SPINT3: variants seen among roughly 807,000 people sequenced by gnomAD.
SPINT3 encodes serine peptidase inhibitor, Kunitz type 3, also known as kunitz-type protease inhibitor 3.
Under a neutral mutation model 3.3 loss-of-function variants are expected in SPINT3, and 4 were observed. The observed-to-expected ratio is 1.22, with a 90% CI of 0.60 to 2.79. The LOEUF is 2.79. SPINT3 is among the 30% of genes most tolerant of loss of function. SPINT3 has a pLI of 0.01. For missense variants in SPINT3, 97 were observed against 104.3 expected, an observed-to-expected ratio of 0.93 and a Z score of 0.31; for synonymous variants, 30 against 38.6, an observed-to-expected ratio of 0.78 and a Z score of 0.83.
chr20:45,514,097 T>C (rs546056208), intron 1 of SPINT3, among the ~76,000 whole-genome samples: 1 of 152,262 alleles, frequency 6.6e-6, no homozygotes, highest in East Asian at 1.9e-4. Flanking sequence ...TGGAGGGGCA[T>C]GTTCTTAAGA....
chr20:45,514,967 C>T lies in SPINT3; in HGVS notation c.76+566G>A, dbSNP rs116321982. Among the ~76,000 whole-genome samples, 1,063 of 152,274 alleles carry T rather than the reference C, an allele frequency of 7.0e-3. 13 individuals carry two copies. The highest frequency in any genetic ancestry group is 0.025 in the African/African-American group (1,033 of 41,556). On this transcript the variant is annotated intron_variant, in intron 1 of 1. Transcript: ENST00000217428. ...GGCATCCTACTGGCTGCTTAAAAAT[C>T]TTGGAAACTGCTGCCTACCATCCCC...
chr20:45,514,704 C>A (rs1978825427), intron 1 of SPINT3, among the ~76,000 whole-genome samples: 1 of 152,156 alleles, frequency 6.6e-6, no homozygotes, highest in Admixed American at 6.5e-5. Context: ...TGCTGTCAGA[C>A]TAGGGGACAA....
chr20:45,514,355 G>A (rs1005505683), intron 1 of SPINT3, among the ~76,000 whole-genome samples: 4 of 152,204 alleles, frequency 2.6e-5, no homozygotes, highest in African/African-American at 2.4e-5. Flanking sequence ...AAGTTATACT[G>A]AGAGCTTGAC....
chr20:45,513,445 C>A (rs1306094322), intron 1 of SPINT3, among the ~76,000 whole-genome samples: 1 of 152,202 alleles, frequency 6.6e-6, no homozygotes, highest in African/African-American at 2.4e-5. Context: ...GTAATATCCA[C>A]ATTTTTGGTT....
In SPINT3 at chr20:45,512,781, G is replaced by A. The variant is rs1232479273; in HGVS notation, c.140C>T (p.Thr47Ile). The A allele has an allele frequency of 1.3e-6, 2 of 1,551,690 alleles. No individual in the cohort carries two copies. ...GTTGAAAAACCATCGCGTCATGTAG[G>A]TTTGACAAGGGCCCTTTTCCATAGG... ...AFPMEKGPCQ[T>I]YMTRWFFNFE... The change falls in exon 2 of 2, where the codon ACC becomes ATC. Residue 47 changes from threonine (T) to isoleucine (I), a missense_variant. Coordinates refer to ENST00000217428, the MANE Select transcript of SPINT3 (RefSeq NM_006652.2).
intron 1 of SPINT3, among the ~76,000 whole-genome samples, chr20:45,514,847 A>G (rs749145632): frequency 6.6e-6 from 1 of 152,264 alleles, no homozygotes; most frequent in Non-Finnish European, 1.5e-5. Context: ...GTTCACTGGC[A>G]CATTGACAGT....
In SPINT3 at chr20:45,512,551, A is replaced by T; in HGVS notation, c.*100T>A. The T allele has an allele frequency of 8.9e-7, 1 of 1,128,714 alleles. No individual in the cohort carries two copies. The highest frequency in any genetic ancestry group is 1.2e-6 in the Non-Finnish European group (1 of 816,744). 69.9% of individuals were successfully genotyped at this position (1,128,714 alleles called of 1,614,324 possible). A position where few individuals can be genotyped will look rare whatever the true frequency, so the allele number is the denominator to read the frequency against. On this transcript the variant is annotated 3_prime_UTR_variant, in exon 2 of 2. Coordinates refer to ENST00000217428, the MANE Select transcript of SPINT3 (RefSeq NM_006652.2). ...GAATAAATGTGGGGGTAGAGGAATGAACCTCTTGTTCACACACACACACAC... is the reference window on the plus strand; with the variant it reads ...GAATAAATGTGGGGGTAGAGGAATGTACCTCTTGTTCACACACACACACAC...
At chr20:45,515,313 C>G (rs960398040) in intron 1 of SPINT3, among the ~76,000 whole-genome samples, 1 of 152,182 alleles carries the variant, frequency 6.6e-6, no homozygotes, top group Non-Finnish European at 1.5e-5. Flanking sequence ...TTCACAAAGG[C>G]AGGGTCTCAG....
chr20:45,514,357 G>C (rs550074108), intron 1 of SPINT3, among the ~76,000 whole-genome samples: 9 of 152,328 alleles, frequency 5.9e-5, no homozygotes, highest in Non-Finnish European at 1.0e-4. Flanking sequence ...GTTATACTGA[G>C]AGCTTGACAT....
chr20:45,512,655 G>A lies in SPINT3; in HGVS notation c.266C>T (p.Thr89Ile). 6.4e-7 allele frequency: 1 copy of A among 1,551,546 alleles called. No homozygotes were observed. Among genetic ancestry groups the A allele is most frequent in the East Asian group, 2.4e-5 (1 of 40,920 alleles). ...GGCTGTGTTCTTGTTAGAAAATCAG[G>A]TGAACTTGCAGAATTTCTCACATTT... ...KEKCEKFCKF[T>I] is the part of the protein sequence containing the mutation. Residue 89 changes from threonine to isoleucine, a missense_variant, in exon 2 of 2, where the codon ACC (threonine) becomes ATC (isoleucine). Physicochemically the swap from Thr to Ile is moderately conservative, Grantham distance 89 (BLOSUM62 -1). Transcript: ENST00000217428.
In SPINT3 at chr20:45,512,712, C is replaced by T. The variant is rs532406898; in HGVS notation, c.209G>A (p.Gly70Glu). 11 of 1,551,646 alleles carry T rather than the reference C, an allele frequency of 7.1e-6. No individual in the cohort carries two copies. The African/African-American group carries it at 1.1e-4, about 15-fold the overall frequency. Residue 70 changes from glycine (G) to glutamate (E), a missense_variant, in exon 2 of 2, where the codon GGA becomes GAA. Transcript: ENST00000217428. ...CCTCAAAAAGTTGTTGCTGTTGCCT[C>T]CGCAGCCTCCGTAAGCAAATAACTC... Reference protein sequence around the residue: ...ECELFAYGGCGGNSNNFLRKE... With the variant: ...ECELFAYGGCEGNSNNFLRKE...
In SPINT3 at chr20:45,512,501, A is replaced by C; in HGVS notation, c.*150T>G. On this transcript the variant is annotated 3_prime_UTR_variant, in exon 2 of 2. Transcript: ENST00000217428. ...TATAGAATTTCAGGCACAGAGATGAAGCACTTGTAGGAGCACATCAGGGAG... is the reference window on the plus strand; with the variant it reads ...TATAGAATTTCAGGCACAGAGATGACGCACTTGTAGGAGCACATCAGGGAG... 1 of 715,886 alleles carries C rather than the reference A, an allele frequency of 1.4e-6. No homozygotes were observed. Among genetic ancestry groups the C allele is most frequent in the Non-Finnish European group, 2.3e-6 (1 of 443,082 alleles). 44.3% of individuals were successfully genotyped at this position (715,886 alleles called of 1,614,324 possible). A position where few individuals can be genotyped will look rare whatever the true frequency, so the allele number is the denominator to read the frequency against.
At chr20:45,514,913 T>G (rs1432709874) in intron 1 of SPINT3, among the ~76,000 whole-genome samples, 1 of 152,224 alleles carries the variant, frequency 6.6e-6, no homozygotes, top group Non-Finnish European at 1.5e-5. Flanking sequence ...CTTACCCTTT[T>G]GTGTATTCTA....
Position 45,515,618 on chromosome 20 carries a change from C to T in SPINT3, c.-10G>A, listed in dbSNP as rs1978853131. On this transcript the variant is annotated 5_prime_UTR_variant, in exon 1 of 2. Transcript: ENST00000217428. ...AGGCCTGAAGCTGCATGGTGCCACTCAGCCAGTGGCTCAGCCTGGGGTTGC... is the reference window on the plus strand; with the variant it reads ...AGGCCTGAAGCTGCATGGTGCCACTTAGCCAGTGGCTCAGCCTGGGGTTGC... 6.4e-7 allele frequency: 1 copy of T among 1,550,916 alleles called. No individual in the cohort carries two copies. The highest frequency in any genetic ancestry group is 1.4e-5 in the African/African-American group (1 of 73,154).
chr20:45,515,433 T>C, intron 1 of SPINT3, 100 bp downstream of exon 1: 1 of 984,538 alleles, frequency 1.0e-6, no homozygotes, highest in East Asian at 2.6e-5. Flanking sequence ...TCCGGTAAGG[T>C]AAGAAATGGG....
intron 1 of SPINT3, among the ~76,000 whole-genome samples, chr20:45,513,867 T>G (rs1201876546): frequency 6.6e-6 from 1 of 152,238 alleles, no homozygotes; most frequent in Admixed American, 6.5e-5. Flanking sequence ...AAACCCAGCA[T>G]GGTTCGACTG....
At position 45,512,575 on chromosome 20, in the gene SPINT3, A is replaced by T. The variant is rs1568979723; in HGVS notation, c.*76T>A. The T allele has an allele frequency of 7.4e-7, 1 of 1,355,794 alleles. No homozygotes were observed. Among genetic ancestry groups the T allele is most frequent in the Non-Finnish European group, 1.0e-6 (1 of 986,404 alleles). The allele number at this position is 1,355,794 out of a possible 1,614,324, so 84.0% of individuals were successfully genotyped here. ...GAACCTCTTGTTCACACACACACAC[A>T]CACACACACGCAAATGCCTTCTATG... is the stretch of plus-strand genomic sequence containing the variant. On this transcript the variant is annotated 3_prime_UTR_variant, in exon 2 of 2. Transcript: ENST00000217428.
chr20:45,513,227 T>C (rs1215399397), intron 1 of SPINT3, among the ~76,000 whole-genome samples: 1 of 152,236 alleles, frequency 6.6e-6, no homozygotes, highest in Non-Finnish European at 1.5e-5. Flanking sequence ...TAGGATTTGA[T>C]AATAAAGATC....
chr20:45,512,686 T>A lies in SPINT3; in HGVS notation c.235A>T (p.Lys79Ter), dbSNP rs766390500. 1.3e-6 allele frequency: 2 copies of A among 1,551,662 alleles called. No homozygotes were observed. Among genetic ancestry groups the A allele is most frequent in the Non-Finnish European group, 1.7e-6 (2 of 1,146,968 alleles). ...CGGNSNNFLR[K>*]EKCEKFCKFT ...TTGCAGAATTTCTCACATTTTTCTT[T>A]CCTCAAAAAGTTGTTGCTGTTGCCT... Residue 79 changes from lysine (K) to a stop codon, truncating the protein, a stop_gained, in exon 2 of 2, where the codon AAA becomes TAA. Coordinates refer to ENST00000217428, the MANE Select transcript of SPINT3 (RefSeq NM_006652.2). LOFTEE classifies it low-confidence loss of function (END_TRUNC).
Sources: allele counts gnomAD v4.1 joint callset (sites outside exome capture counted in the v4.1 genomes callset), GRCh38; gene constraint gnomAD v4.1.1; transcripts MANE v1.5; gene names NCBI Gene and HGNC (gene_info 2026-07-23, HGNC 2026-07-21).